ADCY1: variants seen among roughly 807,000 people sequenced by gnomAD.
ADCY1 encodes adenylate cyclase type 1.
A neutral mutation model predicts 105.4 loss-of-function variants in ADCY1; 28 were observed. That is an observed-to-expected ratio of 0.27 (90% CI 0.20 to 0.36). ADCY1 has a LOEUF of 0.36. Ranked by LOEUF, ADCY1 falls within the 10% of genes least tolerant of loss-of-function variation. The pLI, the probability that ADCY1 is intolerant of heterozygous loss-of-function variation, is 1.00. For missense variants in ADCY1, 977 were observed against 1,434.2 expected (o/e 0.68, Z 5.15); for synonymous variants, 655 against 623.8 (o/e 1.05, Z -0.75).
At chr7:45,679,211 T>C (rs117234670) in intron 10 of ADCY1, among the ~76,000 whole-genome samples, 2 of 152,278 alleles carry the variant, frequency 1.3e-5, no homozygotes, top group Non-Finnish European at 2.9e-5. Flanking sequence ...ACCCCACACC[T>C]GCGGAGGAGG....
At chr7:45,594,496 C>T (rs1236769714) in intron 2 of ADCY1, among the ~76,000 whole-genome samples, 2 of 152,154 alleles carry the variant, frequency 1.3e-5, no homozygotes, top group African/African-American at 2.4e-5. Context: ...TGCTTGTGTG[C>T]ATTTCCTTTT....
chr7:45,646,832 G>T lies in ADCY1; in HGVS notation c.1021-1838G>T, dbSNP rs1422320908. Among the ~76,000 whole-genome samples the T allele has an allele frequency of 2.0e-5, 3 of 152,218 alleles. 1 individual carries two copies. The highest frequency in any genetic ancestry group is 1.3e-4 in the Admixed American group (2 of 15,286). ...AGATGGAAGGGACCCTAAGTGGCCA[G>T]ACCCTGGATGTCTTTGTACTGTCAC... is the stretch of plus-strand genomic sequence containing the variant. On this transcript the variant is annotated intron_variant, in intron 4 of 19. Transcript: ENST00000297323.
rs951998611 is a variant in ADCY1 at position 45,601,775 on chromosome 7, G to A, written c.790-8604G>A. Among the ~76,000 whole-genome samples the A allele has an allele frequency of 8.5e-5, 13 of 152,160 alleles. 1 individual carries two copies. The highest frequency in any genetic ancestry group is 3.1e-4 in the African/African-American group (13 of 41,440). ...CTTGCTAGTGAACTCGGGATGAGAGGTAGGGGTGAGGACAAGTGGAGATGG... is the reference window on the plus strand; with the variant it reads ...CTTGCTAGTGAACTCGGGATGAGAGATAGGGGTGAGGACAAGTGGAGATGG... On this transcript the variant is annotated intron_variant, in intron 2 of 19. Transcript: ENST00000297323.
chr7:45,580,794 G>A (rs531327443), intron 1 of ADCY1, among the ~76,000 whole-genome samples: 1 of 152,324 alleles, frequency 6.6e-6, no homozygotes, highest in East Asian at 1.9e-4. Context: ...GGAGGTGGGA[G>A]TGTGCTGGGG....
In ADCY1 at chr7:45,719,373, AG is replaced by A. The variant is rs993578686; in HGVS notation, c.*5379del. The A allele has an allele frequency of 6.6e-6, 1 of 152,254 alleles. No individual in the cohort carries two copies. Among genetic ancestry groups the A allele is most frequent in the Admixed American group, 6.5e-5 (1 of 15,290 alleles). 9.4% of individuals were successfully genotyped at this position (152,254 alleles called of 1,614,324 possible). A position where few individuals can be genotyped will look rare whatever the true frequency, so the allele number is the denominator to read the frequency against. Reference sequence around the variant, plus strand: ...TCTGTTTGTTCATACACTTAGTGAAAGCAGATCCTGTACTAGGATGTGAGGA... The same window carrying A: ...TCTGTTTGTTCATACACTTAGTGAAACAGATCCTGTACTAGGATGTGAGGA... On this transcript the variant is annotated 3_prime_UTR_variant, in exon 20 of 20. Coordinates refer to ENST00000297323, the MANE Select transcript of ADCY1 (RefSeq NM_021116.4).
At chr7:45,610,849 A>AG (rs1793547552) in intron 3 of ADCY1, among the ~76,000 whole-genome samples, 4 of 2,854 alleles carry the variant, frequency 1.4e-3, no homozygotes, top group Non-Finnish European at 3.1e-3. Flanking sequence ...TGGAGGCGAT[A>AG]TTGGAGTTGT....
At chr7:45,649,796 C>T (rs1245494956) in intron 5 of ADCY1, among the ~76,000 whole-genome samples, 2 of 152,198 alleles carry the variant, frequency 1.3e-5, no homozygotes, top group African/African-American at 2.4e-5. Context: ...GGCAGCGGTT[C>T]ACCAACACGG....
chr7:45,610,760 A>ATGGG (rs1793525718), intron 3 of ADCY1, among the ~76,000 whole-genome samples: 1 of 2,362 alleles, frequency 4.2e-4, no homozygotes, highest in Admixed American at 5.1e-3. Context: ...ATGGAGGTGT[A>ATGGG]GAGGTGATAG....
chr7:45,685,281 T>C (rs1195689862), intron 12 of ADCY1, among the ~76,000 whole-genome samples: 3 of 152,168 alleles, frequency 2.0e-5, no homozygotes, highest in Non-Finnish European at 2.9e-5. Context: ...GGCTTCTTCA[T>C]ACGGTGCAGA....
intron 4 of ADCY1, among the ~76,000 whole-genome samples, chr7:45,627,724 G>T (rs902215740): frequency 6.6e-6 from 1 of 152,180 alleles, no homozygotes; most frequent in African/African-American, 2.4e-5. Flanking sequence ...TGGGAGCAGG[G>T]TCAGTACCTG....
chr7:45,607,663 C>G (rs1261043388), intron 2 of ADCY1, among the ~76,000 whole-genome samples: 2 of 152,130 alleles, frequency 1.3e-5, no homozygotes, highest in African/African-American at 2.4e-5. Flanking sequence ...CTATATGTAT[C>G]CAATGTTTAG....
At chr7:45,648,845 T>C (rs367633641) in intron 5 of ADCY1, 48 bp downstream of exon 5, 1 of 1,601,020 alleles carries the variant, frequency 6.2e-7, no homozygotes, top group African/African-American at 1.3e-5. Context: ...CATCTACACA[T>C]TGAAATCCTA....
At chr7:45,688,037 G>T (rs1458367758) in intron 14 of ADCY1, among the ~76,000 whole-genome samples, 1 of 152,196 alleles carries the variant, frequency 6.6e-6, no homozygotes, top group Non-Finnish European at 1.5e-5. Context: ...TGCTGGAGTT[G>T]GGAAGCCTGT....
chr7:45,687,413 G>A (rs185084923), intron 14 of ADCY1, among the ~76,000 whole-genome samples: 15 of 152,286 alleles, frequency 9.8e-5, no homozygotes, highest in Non-Finnish European at 1.6e-4. Context: ...GCAGCGTGTG[G>A]GTGCTGGTGT....
At chr7:45,649,114 A>C (rs1461901615) in intron 5 of ADCY1, among the ~76,000 whole-genome samples, 3 of 152,252 alleles carry the variant, frequency 2.0e-5, no homozygotes, top group Non-Finnish European at 4.4e-5. Context: ...TAGCCAGATA[A>C]GACATACAGA....
rs1292551486 is a variant in ADCY1, at chr7:45,710,495, C to T, written c.2933-33C>T. On this transcript the variant is annotated intron_variant, in intron 18 of 19. Coordinates refer to ENST00000297323, the MANE Select transcript of ADCY1 (RefSeq NM_021116.4). This position sits in a 1 kb window ranked among gnomAD's most constrained non-coding sequence, Gnocchi z 4.7. ...GGTGGGGTGAGTTACACTTTTCCCG[C>T]TGATGACAGGTCATGCGCTGGCTGT... The T allele has an allele frequency of 1.9e-6, 3 of 1,607,466 alleles. No homozygotes were observed. Among genetic ancestry groups the T allele is most frequent in the Non-Finnish European group, 2.5e-6 (3 of 1,176,742 alleles).
At chr7:45,584,848 G>A (rs1346732514) in intron 1 of ADCY1, among the ~76,000 whole-genome samples, 3 of 152,248 alleles carry the variant, frequency 2.0e-5, no homozygotes, top group Non-Finnish European at 2.9e-5. Flanking sequence ...CAGCATTATT[G>A]TGGTAAGCAT....
chr7:45,616,575 C>T (rs1317075666), intron 3 of ADCY1, among the ~76,000 whole-genome samples: 1 of 152,138 alleles, frequency 6.6e-6, no homozygotes, highest in Non-Finnish European at 1.5e-5. Context: ...ATCATGTGAT[C>T]ATCTCAATAG....
At chr7:45,610,761 G>A (rs1793525855) in intron 3 of ADCY1, among the ~76,000 whole-genome samples, 3 of 129,672 alleles carry the variant, frequency 2.3e-5, no homozygotes, top group Non-Finnish European at 3.4e-5. Context: ...TGGAGGTGTA[G>A]AGGTGATAGT....
Sources: gnomAD v4.1 joint callset for allele counts (sites outside exome capture counted in the v4.1 genomes callset) on GRCh38, gnomAD v4.1.1 for gene constraint, Gnocchi (gnomAD v3.1) non-coding constraint, MANE v1.5 for transcripts, NCBI Gene and HGNC (gene_info 2026-07-23, HGNC 2026-07-21) for gene names.